The following MACROD2 variants were observed in gnomAD, a reference collection of about 807,000 sequenced individuals.
MACROD2 encodes the protein ADP-ribose glycohydrolase MACROD2.
Under a neutral mutation model 70.4 loss-of-function variants are expected in MACROD2, and 36 were observed. The observed-to-expected ratio is 0.51, with a 90% CI of 0.39 to 0.68. The LOEUF (loss-of-function observed/expected upper bound fraction) is 0.68. MACROD2 is among the 30% of genes least tolerant of loss of function. The pLI is 0.00. For synonymous variants in MACROD2, 172 were observed against 178.8 expected, an observed-to-expected ratio of 0.96 and a Z score of 0.30; for missense variants, 496 against 538.4, an observed-to-expected ratio of 0.92 and a Z score of 0.78.
chr20:15,744,685 A>T (rs1444588796), intron 8 of MACROD2, among the ~76,000 whole-genome samples: 1 of 136,952 alleles, frequency 7.3e-6, no homozygotes, highest in Non-Finnish European at 1.6e-5. Context: ...AGAGACAGAA[A>T]CCAAGTATAC....
intron 8 of MACROD2, among the ~76,000 whole-genome samples, chr20:15,646,252 A>G (rs1440018987): frequency 6.6e-6 from 1 of 152,094 alleles, no homozygotes; most frequent in Non-Finnish European, 1.5e-5. Context: ...TGTTGTCAGG[A>G]CTCACACTGG....
intron 15 of MACROD2, among the ~76,000 whole-genome samples, chr20:16,036,639 A>G (rs1033972405): frequency 1.3e-5 from 2 of 151,972 alleles, no homozygotes; most frequent in Admixed American, 1.3e-4. Context: ...TTTTGTTTTT[A>G]TCAGATTATG....
intron 3 of MACROD2, among the ~76,000 whole-genome samples, chr20:14,363,404 C>T (rs1192085709): frequency 1.3e-5 from 2 of 151,922 alleles, no homozygotes; most frequent in African/African-American, 4.8e-5. Flanking sequence ...TAAAACATGC[C>T]GTTCTAACCA....
chr20:15,986,963 AG>A, intron 14 of MACROD2, 102 bp from the exon 15 acceptor site: 1 of 1,186,286 alleles, frequency 8.4e-7, no homozygotes, highest in Non-Finnish European at 1.2e-6. Context: ...TGAAACTTGA[AG>A]GGGGAAAAAA....
At chr20:15,766,139 A>G (rs913075665) in intron 8 of MACROD2, among the ~76,000 whole-genome samples, 2 of 151,824 alleles carry the variant, frequency 1.3e-5, no homozygotes, top group Non-Finnish European at 2.9e-5. Context: ...TCCCTTTGGT[A>G]ATGTCTAATA....
chr20:14,321,310 AGCCAAGATTGT>A (rs1181796907), intron 3 of MACROD2, among the ~76,000 whole-genome samples: 1 of 152,076 alleles, frequency 6.6e-6, no homozygotes, highest in Non-Finnish European at 1.5e-5. Flanking sequence ...GGTTGCAGTG[AGCCAAGATTGT>A]GCCACTGCAC....
At chr20:15,876,091 T>TTTTATATATATATATATA (rs1555789633) in intron 9 of MACROD2, among the ~76,000 whole-genome samples, 8 of 33,108 alleles carry the variant, frequency 2.4e-4, no homozygotes, top group African/African-American at 6.0e-4. Context: ...TACATGTCTT[T>TTTTATATATATATATATA]TATATATATA....
At chr20:15,125,077 T>G (rs1366728922) in intron 5 of MACROD2, among the ~76,000 whole-genome samples, 1 of 152,122 alleles carries the variant, frequency 6.6e-6, no homozygotes, top group Non-Finnish European at 1.5e-5. Context: ...CTTTCACTAT[T>G]ATACCGCTTT....
intron 8 of MACROD2, among the ~76,000 whole-genome samples, chr20:15,784,113 C>A (rs1324659140): frequency 6.6e-6 from 1 of 152,004 alleles, no homozygotes; most frequent in Non-Finnish European, 1.5e-5. Context: ...TGGTAGAGAG[C>A]AAAGCATATA....
intron 3 of MACROD2, among the ~76,000 whole-genome samples, chr20:14,349,580 A>G (rs2083100407): frequency 6.9e-6 from 1 of 144,246 alleles, no homozygotes; most frequent in Non-Finnish European, 1.5e-5. Flanking sequence ...TATATATTGT[A>G]CCTATTAACC....
At chr20:15,127,130 T>C (rs1426419224) in intron 5 of MACROD2, among the ~76,000 whole-genome samples, 1 of 152,224 alleles carries the variant, frequency 6.6e-6, no homozygotes, top group East Asian at 1.9e-4. Flanking sequence ...ATGGAAAACA[T>C]CTTGGTAAAG....
chr20:14,678,502 G>GAC (rs1462160003), intron 4 of MACROD2, among the ~76,000 whole-genome samples: 5 of 152,076 alleles, frequency 3.3e-5, no homozygotes, highest in Admixed American at 6.6e-5. Context: ...AAGAAGCATA[G>GAC]ACAGTCCTAT....
intron 5 of MACROD2, among the ~76,000 whole-genome samples, chr20:15,130,046 C>T (rs763698021): frequency 3.3e-5 from 5 of 152,134 alleles, no homozygotes; most frequent in South Asian, 2.1e-4. Context: ...TTACGATGAA[C>T]ATTAAACAGT....
At chr20:15,592,812 T>A (rs1358921014) in intron 8 of MACROD2, among the ~76,000 whole-genome samples, 1 of 152,230 alleles carries the variant, frequency 6.6e-6, no homozygotes, top group Admixed American at 6.5e-5. Context: ...TGGAGAGTGG[T>A]GAAAACATCT....
rs568828986 is a variant in MACROD2, at chr20:15,679,853, C to G, written c.645+180006C>G. Among the ~76,000 whole-genome samples the G allele has an allele frequency of 5.9e-5, 9 of 152,324 alleles. No homozygotes were observed. The East Asian group carries it at 1.7e-3, about 29-fold the overall frequency. On this transcript the variant is annotated intron_variant, in intron 8 of 17. Coordinates refer to ENST00000684519, the MANE Select transcript of MACROD2 (RefSeq NM_001351661.2). ...CTTGAGGATTCCTGCTGTGCATCATCTGAATTCCAGACCTGCAGAAATGTG... is the reference window on the plus strand; with the variant it reads ...CTTGAGGATTCCTGCTGTGCATCATGTGAATTCCAGACCTGCAGAAATGTG...
intron 8 of MACROD2, among the ~76,000 whole-genome samples, chr20:15,741,374 C>A (rs141865140): frequency 0.023 from 3,466 of 151,948 alleles, 97 homozygotes; most frequent in Admixed American, 0.076. Flanking sequence ...GCTGGGATTA[C>A]AGGCATGAGC....
chr20:14,826,340 G>T (rs1270426482), intron 5 of MACROD2, among the ~76,000 whole-genome samples: 1 of 152,006 alleles, frequency 6.6e-6, no homozygotes, highest in African/African-American at 2.4e-5. Context: ...CAAGGTTTTA[G>T]CATCCTCATT....
At chr20:14,534,239 T>C (rs1038605632) in intron 4 of MACROD2, among the ~76,000 whole-genome samples, 47 of 152,156 alleles carry the variant, frequency 3.1e-4, no homozygotes, top group African/African-American at 1.0e-3. Context: ...TTCCTCAGTG[T>C]GAGTGGTGAA....
intron 8 of MACROD2, among the ~76,000 whole-genome samples, chr20:15,821,769 T>G (rs2147103273): frequency 6.6e-6 from 1 of 152,338 alleles, no homozygotes; most frequent in East Asian, 1.9e-4. Flanking sequence ...CAGGAGGATG[T>G]GCATAGATTA....
Sources: allele counts gnomAD v4.1 joint callset (sites outside exome capture counted in the v4.1 genomes callset), GRCh38; gene constraint gnomAD v4.1.1; transcripts MANE v1.5; gene names NCBI Gene and HGNC (gene_info 2026-07-23, HGNC 2026-07-21).